The following FAM193A variants were observed in gnomAD, a reference collection of about 807,000 sequenced individuals.
FAM193A encodes family with sequence similarity 193 member A, also known as protein FAM193A.
A neutral mutation model predicts 126.5 loss-of-function variants in FAM193A; 22 were observed. That is an observed-to-expected ratio of 0.17 (90% CI 0.12 to 0.25). The LOEUF is 0.25. Among genes scored for constraint, FAM193A ranks in the 10% least tolerant of loss-of-function variants. FAM193A has a pLI of 1.00. For synonymous variants in FAM193A, 761 were observed against 646.8 expected (o/e 1.18, Z -2.68); for missense variants, 1,675 against 1,672.8 (o/e 1.00, Z -0.02).
At chr4:2,713,411 CA>C (rs903000416) in intron 19 of FAM193A, among the ~76,000 whole-genome samples, 23 of 151,000 alleles carry the variant, frequency 1.5e-4, no homozygotes, top group African/African-American at 5.1e-4. Flanking sequence ...TATCAGAAAA[CA>C]AAAAAAAATT....
At chr4:2,727,927 T>TA (rs57124845) in intron 20 of FAM193A, among the ~76,000 whole-genome samples, 3,153 of 145,618 alleles carry the variant, frequency 0.022, 84 homozygotes, top group African/African-American at 0.067. Context: ...CCTAGCTAAT[T>TA]AAAAAAAAAA....
chr4:2,631,197 T>A, intron 5 of FAM193A, 28 bp downstream of exon 5: 1 of 1,578,032 alleles, frequency 6.3e-7, no homozygotes, highest in Non-Finnish European at 8.6e-7. Flanking sequence ...TTTTTCTTTC[T>A]GTTTGGATGA....
At chr4:2,590,134 CA>C (rs373845579) in intron 1 of FAM193A, among the ~76,000 whole-genome samples, 14,345 of 106,456 alleles carry the variant, frequency 0.13, 1,451 homozygotes, top group African/African-American at 0.34. Context: ...GACTCTGTCT[CA>C]AAAAAAAAAA....
At chr4:2,541,477 C>G (rs377750679) in intron 1 of FAM193A, among the ~76,000 whole-genome samples, 4 of 142,264 alleles carry the variant, frequency 2.8e-5, no homozygotes, top group African/African-American at 1.1e-4. Context: ...GACAGAGTCT[C>G]GCTCTGTCAC....
chr4:2,699,972 C>T lies in FAM193A; in HGVS notation c.3800C>T (p.Thr1267Ile), dbSNP rs1717517307. 6.2e-7 allele frequency: 1 copy of T among 1,613,880 alleles called. No individual in the cohort carries two copies. Among genetic ancestry groups the T allele is most frequent in the African/African-American group, 1.3e-5 (1 of 74,852 alleles). The change falls in exon 19 of 21, where the codon ACT (threonine) becomes ATT (isoleucine). Residue 1267 changes from threonine to isoleucine, a missense_variant. Thr to Ile is a moderately conservative substitution (Grantham distance 89). This residue lies in a region of FAM193A where 415 missense variants were observed against 396.7 expected (regional missense o/e 1.05). Transcript: ENST00000637812. ...ATCCACAATGGCTCACTAGAGCAAA[C>T]TGAAGAACCAGAAACCTCTTCTCAC... is the stretch of plus-strand genomic sequence containing the variant. ...GNIHNGSLEQ[T>I]EEPETSSHSP...
chr4:2,652,544 A>T (rs576767073), intron 7 of FAM193A, among the ~76,000 whole-genome samples: 5 of 152,188 alleles, frequency 3.3e-5, no homozygotes, highest in Non-Finnish European at 5.9e-5. Context: ...AGCACATCTT[A>T]CGTGGCTGGA....
At chr4:2,677,769 G>T (rs1714595816) in intron 13 of FAM193A, among the ~76,000 whole-genome samples, 1 of 151,940 alleles carries the variant, frequency 6.6e-6, no homozygotes, top group South Asian at 2.1e-4. Flanking sequence ...GATTGTTTGG[G>T]TTATTCAGGA....
At chr4:2,538,944 G>A (rs1271314759) in intron 1 of FAM193A, among the ~76,000 whole-genome samples, 1 of 151,896 alleles carries the variant, frequency 6.6e-6, no homozygotes, top group East Asian at 1.9e-4. Context: ...AGGCTGGAGT[G>A]CAGTGGTGCG....
At chr4:2,713,177 G>A (rs929888169) in intron 19 of FAM193A, among the ~76,000 whole-genome samples, 1 of 151,638 alleles carries the variant, frequency 6.6e-6, no homozygotes, top group Non-Finnish European at 1.5e-5. Flanking sequence ...GAGGCCGAGG[G>A]GGGCAGATCA....
At chr4:2,595,231 C>T (rs1269252588) in intron 1 of FAM193A, among the ~76,000 whole-genome samples, 1 of 152,034 alleles carries the variant, frequency 6.6e-6, no homozygotes, top group Non-Finnish European at 1.5e-5. Context: ...GGATTTTTTG[C>T]AGAGGCGAAG....
intron 1 of FAM193A, among the ~76,000 whole-genome samples, chr4:2,563,256 T>G (rs370424845): frequency 1.3e-5 from 2 of 152,236 alleles, no homozygotes. Flanking sequence ...GATCTGCATT[T>G]CAGTCATGGG....
chr4:2,613,774 C>CT (rs71634684), intron 2 of FAM193A, among the ~76,000 whole-genome samples: 61 of 123,478 alleles, frequency 4.9e-4, no homozygotes, highest in Admixed American at 8.8e-4. Context: ...TTTTCTTTTT[C>CT]TTTTTTTTTT....
At chr4:2,574,517 A>C (rs1739476997) in intron 1 of FAM193A, among the ~76,000 whole-genome samples, 1 of 152,168 alleles carries the variant, frequency 6.6e-6, no homozygotes, top group Admixed American at 6.6e-5. Context: ...TGACCCCTAA[A>C]TCCAACTTCT....
rs1020584111 is a variant in FAM193A at position 2,639,930 on chromosome 4, G to A, written c.1163+71G>A. On this transcript the variant is annotated intron_variant, in intron 6 of 20. Coordinates refer to ENST00000637812, the MANE Select transcript of FAM193A (RefSeq NM_001366318.2). ...GTCTTTTCTCCTGACTGGTGTGCGT[G>A]TACCCGAGTACCACTGAGTATGAAA... 3.5e-6 allele frequency: 5 copies of A among 1,422,550 alleles called. No individual in the cohort carries two copies. In the African/African-American group the frequency reaches 7.1e-5, roughly 20 times the overall value. 88.1% of individuals were successfully genotyped at this position (1,422,550 alleles called of 1,614,324 possible). A position where few individuals can be genotyped will look rare whatever the true frequency, so the allele number is the denominator to read the frequency against.
chr4:2,724,756 G>C (rs1480834251), intron 20 of FAM193A, among the ~76,000 whole-genome samples: 3 of 152,162 alleles, frequency 2.0e-5, no homozygotes, highest in Non-Finnish European at 2.9e-5. Flanking sequence ...AGTCAATGAA[G>C]CTTTACATTA....
intron 7 of FAM193A, among the ~76,000 whole-genome samples, chr4:2,650,761 A>T (rs750583902): frequency 1.5e-4 from 23 of 151,994 alleles, no homozygotes; most frequent in Non-Finnish European, 3.1e-4. Flanking sequence ...AGTGCATAGG[A>T]CCCTGCCTAC....
Position 2,690,684 on chromosome 4 carries a change from G to C in FAM193A, c.2531-14G>C, listed in dbSNP as rs1716269698. 1.3e-6 allele frequency: 2 copies of C among 1,599,118 alleles called. No individual in the cohort carries two copies. The highest frequency in any genetic ancestry group is 1.8e-5 in the Admixed American group (1 of 56,928). On this transcript the variant is annotated splice_polypyrimidine_tract_variant and intron_variant, in intron 14 of 20. Coordinates refer to ENST00000637812, the MANE Select transcript of FAM193A (RefSeq NM_001366318.2). The stretch of plus-strand genomic sequence containing the variant: ...TGCTGTCAGAAGCCTTAATTTTCCT[G>C]TTCTTCTTTGAAGGGAGTGAAATAT...
intron 5 of FAM193A, 87 bp downstream of exon 5, chr4:2,631,256 G>A (rs1009812733): frequency 6.3e-6 from 8 of 1,267,840 alleles, no homozygotes; most frequent in Admixed American, 2.1e-5. Flanking sequence ...CATGTGTGCC[G>A]ACCTCGCTGT....
At chr4:2,536,254 C>G (rs1423990272), upstream of FAM193A, among the ~76,000 whole-genome samples, 1 of 151,524 alleles carries the variant, frequency 6.6e-6, no homozygotes. Context: ...GGCGGCGGCG[C>G]GGCCTCCTGC....
Sources: gnomAD v4.1 joint callset for allele counts (sites outside exome capture counted in the v4.1 genomes callset) on GRCh38, gnomAD v4.1.1 for gene constraint, gnomAD v4.1.1 regional missense constraint, MANE v1.5 for transcripts, NCBI Gene and HGNC (gene_info 2026-07-23, HGNC 2026-07-21) for gene names.